BRWD1: variants seen among roughly 807,000 people sequenced by gnomAD.
BRWD1 encodes bromodomain and WD repeat domain containing 1.
Under a neutral mutation model 251.2 loss-of-function variants are expected in BRWD1, and 82 were observed. That is an observed-to-expected ratio of 0.33 (90% CI 0.27 to 0.39). BRWD1 has a LOEUF of 0.39. Ranked by LOEUF, BRWD1 falls within the 10% of genes least tolerant of loss-of-function variation. The pLI is 1.00. For synonymous variants in BRWD1, 918 were observed against 902.8 expected (o/e 1.02, Z -0.30); for missense variants, 2,233 against 2,711.6 (o/e 0.82, Z 3.92).
Position 39,210,907 on chromosome 21 carries a change from A to C in BRWD1, c.3923T>G (p.Ile1308Ser). The part of the protein sequence containing the change: ...RRRVHDGKKS[I>S]RATNYVESNW... ...GCTTTCAACATAGTTCGTAGCTCTG[A>C]TGCTTTTTTTCCCATCATGGACCTA... The change falls in exon 35 of 41, where the codon ATC (isoleucine) becomes AGC (serine). Residue 1308 changes from isoleucine (I) to serine (S), a missense_variant. Ile to Ser is a moderately radical substitution (Grantham distance 142, BLOSUM62 -2). Coordinates refer to ENST00000342449, the MANE Select transcript of BRWD1 (RefSeq NM_033656.4). The C allele has an allele frequency of 6.2e-7, 1 of 1,611,644 alleles. No homozygotes were observed. Among genetic ancestry groups the C allele is most frequent in the East Asian group, 2.2e-5 (1 of 44,748 alleles).
Position 39,187,535 on chromosome 21 carries a change from T to C in BRWD1, c.*8724A>G, listed in dbSNP as rs2031311477. ...ACAATAAATTTAAAAGTCATATTGC[T>C]AAATGATAAATTTTAAAATGTGATA... On this transcript the variant is annotated 3_prime_UTR_variant, in exon 41 of 41. Transcript: ENST00000342449. 1 of 1,400,436 alleles carries C rather than the reference T, an allele frequency of 7.1e-7. No homozygotes were observed. The highest frequency in any genetic ancestry group is 1.5e-5 in the African/African-American group (1 of 68,474). The allele number at this position is 1,400,436 out of a possible 1,614,324, so 86.8% of individuals were successfully genotyped here.
At chr21:39,238,397 C>G (rs1387577851) in intron 22 of BRWD1, 82 bp downstream of exon 22, 11 of 1,139,616 alleles carry the variant, frequency 9.7e-6, no homozygotes, top group Non-Finnish European at 1.4e-5. Context: ...CAAATTCTTG[C>G]CTCTTGAATA....
intron 4 of BRWD1, among the ~76,000 whole-genome samples, chr21:39,308,517 A>T (rs545888684): frequency 6.6e-6 from 1 of 151,762 alleles, no homozygotes; most frequent in East Asian, 1.9e-4. Flanking sequence ...AGTACCAAAA[A>T]TACTCTTGCC....
Position 39,198,851 on chromosome 21 carries a change from A to G in BRWD1, c.5565T>C (p.Ala1855=). Residue 1855 remains alanine (A), a synonymous_variant, in exon 40 of 41, where the codon GCT becomes GCC. Coordinates refer to ENST00000342449, the MANE Select transcript of BRWD1 (RefSeq NM_033656.4). ...ISGNLNCDPI[A]MSQCSSDHGC... ...CATGATCTGAGGAACACTGGGACAT[A>G]GCAATAGGGTCACAGTTCAGATTTC... is the stretch of plus-strand genomic sequence containing the variant. The G allele has an allele frequency of 6.2e-7, 1 of 1,613,904 alleles. No individual in the cohort carries two copies. The highest frequency in any genetic ancestry group is 1.1e-5 in the South Asian group (1 of 91,068).
rs150107417 is a variant in BRWD1 at position 39,291,516 on chromosome 21, C to G, written c.831+2295G>C. On this transcript the variant is annotated intron_variant, in intron 8 of 40. Transcript: ENST00000342449. ...ATGTTTTTCCATATGTGACCACTGACCACCAGACATTTTGGTACCACCCCC... is the reference window on the plus strand; with the variant it reads ...ATGTTTTTCCATATGTGACCACTGAGCACCAGACATTTTGGTACCACCCCC... 4.6e-5 allele frequency among the ~76,000 whole-genome samples: 7 copies of G among 152,324 alleles called. No homozygotes were observed. The East Asian group carries it at 1.3e-3, about 29-fold the overall frequency.
In BRWD1 at chr21:39,204,145, C is replaced by T. The variant is rs538409419; in HGVS notation, c.4365-1600G>A. On this transcript the variant is annotated intron_variant, in intron 37 of 40. Coordinates refer to ENST00000342449, the MANE Select transcript of BRWD1 (RefSeq NM_033656.4). ...TCCAGCCTGGACAACAAGAGCAAAA[C>T]TCCATCTCAAAAAAAAAAAAAAAAA... Among the ~76,000 whole-genome samples the T allele has an allele frequency of 6.5e-4, 43 of 66,210 alleles. 1 individual carries two copies. In the East Asian group the frequency reaches 0.012, roughly 19 times the overall value. The allele number at this position is 66,210 out of a possible 152,430, so 43.4% of individuals were successfully genotyped here.
At chr21:39,304,451 A>G (rs1173341145) in intron 4 of BRWD1, among the ~76,000 whole-genome samples, 1 of 151,924 alleles carries the variant, frequency 6.6e-6, no homozygotes, top group Non-Finnish European at 1.5e-5. Context: ...TCTAGAAAAA[A>G]AAATTTTTTT....
chr21:39,200,191 TC>T, intron 39 of BRWD1, 27 bp downstream of exon 39: 2 of 1,571,858 alleles, frequency 1.3e-6, no homozygotes, highest in Non-Finnish European at 1.7e-6. Flanking sequence ...TGATATACAT[TC>T]CATAAAAGTA....
At chr21:39,318,641 TG>T (rs1321544725), upstream of BRWD1, among the ~76,000 whole-genome samples, 1 of 152,174 alleles carries the variant, frequency 6.6e-6, no homozygotes, top group Non-Finnish European at 1.5e-5. Context: ...GGCTGTTTTT[TG>T]TTTTGTTTTT....
intron 21 of BRWD1, among the ~76,000 whole-genome samples, chr21:39,247,365 T>G (rs1393645359): frequency 6.6e-6 from 1 of 152,238 alleles, no homozygotes; most frequent in East Asian, 1.9e-4. Flanking sequence ...AATTTGCATT[T>G]GCACTTACAG....
chr21:39,283,365 T>C (rs897249001), intron 8 of BRWD1, among the ~76,000 whole-genome samples: 4 of 152,214 alleles, frequency 2.6e-5, no homozygotes, highest in African/African-American at 9.6e-5. Context: ...GTATTTTCAC[T>C]TACTTAGACT....
chr21:39,267,067 G>A (rs1335513156), intron 15 of BRWD1, among the ~76,000 whole-genome samples: 3 of 152,164 alleles, frequency 2.0e-5, no homozygotes, highest in Admixed American at 6.5e-5. Flanking sequence ...ATTTTAAAAC[G>A]ACAGAAAAAT....
intron 4 of BRWD1, among the ~76,000 whole-genome samples, chr21:39,305,865 A>AG (rs1491214867): frequency 2.2e-5 from 1 of 44,608 alleles, no homozygotes; most frequent in Admixed American, 2.7e-4. Flanking sequence ...TGTCTCAAAA[A>AG]GAAAAAAAAA....
chr21:39,201,010 A>C (rs115899069), intron 38 of BRWD1, among the ~76,000 whole-genome samples: 2,322 of 152,286 alleles, frequency 0.015, 58 homozygotes, highest in African/African-American at 0.053. Context: ...AATTAATTGG[A>C]TCCATGTCTA....
At chr21:39,317,193 A>G (rs527430483), upstream of BRWD1, 1 of 152,368 alleles carries the variant, frequency 6.6e-6, no homozygotes, top group East Asian at 1.9e-4. Flanking sequence ...ACCCACCAGA[A>G]GTGGTCTCCA....
intron 23 of BRWD1, chr21:39,235,769 C>T: frequency 5.6e-6 from 1 of 177,960 alleles, no homozygotes; most frequent in Admixed American, 5.7e-5. Context: ...CATGAGCACC[C>T]AGCAGGGCAG....
intron 25 of BRWD1, among the ~76,000 whole-genome samples, chr21:39,231,212 T>C (rs1179688695): frequency 6.6e-6 from 1 of 152,200 alleles, no homozygotes; most frequent in Middle Eastern, 3.2e-3. Context: ...AAAACACGTG[T>C]ACTACTACCC....
chr21:39,305,338 G>A (rs561827099), intron 4 of BRWD1, among the ~76,000 whole-genome samples: 55 of 152,244 alleles, frequency 3.6e-4, no homozygotes, highest in African/African-American at 1.3e-3. Flanking sequence ...CATATGATCT[G>A]AAAATAAACA....
intron 4 of BRWD1, among the ~76,000 whole-genome samples, chr21:39,303,853 G>GAGTA (rs200468230): frequency 0.015 from 2,290 of 151,374 alleles, 54 homozygotes; most frequent in African/African-American, 0.053. Flanking sequence ...AAGAAATACA[G>GAGTA]AGTAGTTGCC....
Sources: allele counts gnomAD v4.1 joint callset (sites outside exome capture counted in the v4.1 genomes callset), GRCh38; gene constraint gnomAD v4.1.1; transcripts MANE v1.5; gene names NCBI Gene and HGNC (gene_info 2026-07-23, HGNC 2026-07-21).